RXFP1: variants seen among roughly 807,000 people sequenced by gnomAD.
RXFP1 encodes relaxin family peptide receptor 1.
Under a neutral mutation model 89.8 loss-of-function variants are expected in RXFP1, and 73 were observed. The observed-to-expected ratio is 0.81, with a 90% CI of 0.67 to 0.99. RXFP1 has a LOEUF of 0.99. Among genes scored for constraint, RXFP1 ranks in the 50% least tolerant of loss-of-function variants. The pLI is 0.00. For synonymous variants in RXFP1, 277 were observed against 305.5 expected, an observed-to-expected ratio of 0.91 and a Z score of 0.97; for missense variants, 793 against 895.5, an observed-to-expected ratio of 0.89 and a Z score of 1.46.
intron 1 of RXFP1, among the ~76,000 whole-genome samples, chr4:158,568,586 A>G (rs1754335038): frequency 6.6e-6 from 1 of 152,226 alleles, no homozygotes; most frequent in Non-Finnish European, 1.5e-5. Context: ...GAAATACGTG[A>G]TGTTCTGCCA....
intron 10 of RXFP1, among the ~76,000 whole-genome samples, chr4:158,628,190 G>A (rs1449819552): frequency 6.6e-6 from 1 of 152,144 alleles, no homozygotes; most frequent in African/African-American, 2.4e-5. Context: ...TTCTTCTAAA[G>A]GGGTTCAGCT....
chr4:158,540,222 G>T (rs764440027), intron 1 of RXFP1, among the ~76,000 whole-genome samples: 1 of 152,138 alleles, frequency 6.6e-6, no homozygotes, highest in Non-Finnish European at 1.5e-5. Context: ...CAGAGCAGCG[G>T]CATGGGCTGC....
chr4:158,597,148 G>A (rs556311248), intron 3 of RXFP1, among the ~76,000 whole-genome samples: 2 of 152,142 alleles, frequency 1.3e-5, no homozygotes, highest in African/African-American at 2.4e-5. Context: ...TAAAATTTAA[G>A]TTAAGGTTCC....
At chr4:158,615,521 A>C (rs1314534464) in intron 8 of RXFP1, among the ~76,000 whole-genome samples, 1 of 150,886 alleles carries the variant, frequency 6.6e-6, no homozygotes, top group Non-Finnish European at 1.5e-5. Context: ...GGGCAACAAG[A>C]GTGAAACTTT....
At chr4:158,651,498 G>A (rs772416680) in intron 17 of RXFP1, among the ~76,000 whole-genome samples, 1 of 152,060 alleles carries the variant, frequency 6.6e-6, no homozygotes, top group African/African-American at 2.4e-5. Context: ...CTACCTAAAG[G>A]AATATTTTTG....
At chr4:158,540,058 G>A (rs1292378415) in intron 1 of RXFP1, among the ~76,000 whole-genome samples, 1 of 152,112 alleles carries the variant, frequency 6.6e-6, no homozygotes, top group Non-Finnish European at 1.5e-5. Flanking sequence ...AAACAACCTG[G>A]CAGGGGGTAG....
intron 11 of RXFP1, among the ~76,000 whole-genome samples, chr4:158,633,006 C>G (rs1768404289): frequency 6.6e-6 from 1 of 152,076 alleles, no homozygotes; most frequent in Non-Finnish European, 1.5e-5. Flanking sequence ...CCCGTCTCTA[C>G]TAAAAATACA....
At chr4:158,584,183 C>T (rs1030729133) in intron 2 of RXFP1, among the ~76,000 whole-genome samples, 4 of 152,216 alleles carry the variant, frequency 2.6e-5, no homozygotes, top group Admixed American at 2.0e-4. Context: ...GCCTGTAATC[C>T]GAGCACTTTG....
intron 17 of RXFP1, among the ~76,000 whole-genome samples, chr4:158,649,931 T>A (rs1037292472): frequency 3.3e-5 from 5 of 152,364 alleles, no homozygotes; most frequent in African/African-American, 1.2e-4. Context: ...AAGAGATATT[T>A]GTACACCCAT....
In RXFP1 at chr4:158,589,003, A is replaced by G. The variant is rs74855871; in HGVS notation, c.188-4398A>G. ...AGAAATACACGAGACTGAGTGATTTATAAGGAAAAGAGGTTTAATTGACTC... is the reference window on the plus strand; with the variant it reads ...AGAAATACACGAGACTGAGTGATTTGTAAGGAAAAGAGGTTTAATTGACTC... On this transcript the variant is annotated intron_variant, in intron 2 of 17. Coordinates refer to ENST00000307765, the MANE Select transcript of RXFP1 (RefSeq NM_021634.4). Among the ~76,000 whole-genome samples the G allele has an allele frequency of 3.4e-3, 523 of 152,342 alleles. 1 individual carries two copies. The highest frequency in any genetic ancestry group is 0.012 in the African/African-American group (496 of 41,578).
At chr4:158,593,990 G>T (rs140060428) in intron 3 of RXFP1, among the ~76,000 whole-genome samples, 1 of 152,324 alleles carries the variant, frequency 6.6e-6, no homozygotes, top group Non-Finnish European at 1.5e-5. Flanking sequence ...GAGGGGTATG[G>T]AAGGTATAAA....
At chr4:158,578,241 A>G (rs1027620862) in intron 2 of RXFP1, among the ~76,000 whole-genome samples, 1 of 152,160 alleles carries the variant, frequency 6.6e-6, no homozygotes. Flanking sequence ...TTTTTTTGCC[A>G]TGTGTCACTA....
intron 1 of RXFP1, among the ~76,000 whole-genome samples, chr4:158,560,727 G>T (rs144264642): frequency 6.6e-6 from 1 of 152,106 alleles, no homozygotes. Flanking sequence ...AGTTTCACAC[G>T]ATCATCCCAT....
chr4:158,618,278 A>G (rs996966627), intron 9 of RXFP1, among the ~76,000 whole-genome samples: 6 of 152,110 alleles, frequency 3.9e-5, no homozygotes, highest in Admixed American at 3.3e-4. Context: ...CAATATTTAC[A>G]TAATTAGCAA....
At chr4:158,610,830 T>C (rs1763444463) in intron 6 of RXFP1, 1 of 615,632 alleles carries the variant, frequency 1.6e-6, no homozygotes, top group African/African-American at 1.9e-5. Context: ...AGGAAGAGGC[T>C]CTATCATGGG....
intron 1 of RXFP1, among the ~76,000 whole-genome samples, chr4:158,565,598 A>G (rs951310433): frequency 6.6e-6 from 1 of 152,224 alleles, no homozygotes; most frequent in Non-Finnish European, 1.5e-5. Context: ...TCAAAAAATG[A>G]TGCATAAATA....
intron 2 of RXFP1, among the ~76,000 whole-genome samples, chr4:158,582,603 G>A (rs939435899): frequency 6.6e-6 from 1 of 152,188 alleles, no homozygotes; most frequent in Non-Finnish European, 1.5e-5. Flanking sequence ...GCTGAGCCCA[G>A]GAGAATTTTC....
At chr4:158,602,063 CTG>C (rs1159420129) in intron 4 of RXFP1, among the ~76,000 whole-genome samples, 1 of 152,122 alleles carries the variant, frequency 6.6e-6, no homozygotes, top group Admixed American at 6.5e-5. Flanking sequence ...CTCTTTGACT[CTG>C]TGAACAATCA....
At chr4:158,626,048 G>A (rs1371205806) in intron 9 of RXFP1, among the ~76,000 whole-genome samples, 3 of 151,854 alleles carry the variant, frequency 2.0e-5, no homozygotes, top group South Asian at 2.1e-4. Flanking sequence ...CCATAAGGAG[G>A]TTTATGGTGA....
Sources: gnomAD v4.1 joint callset for allele counts (sites outside exome capture counted in the v4.1 genomes callset) on GRCh38, gnomAD v4.1.1 for gene constraint, MANE v1.5 for transcripts, NCBI Gene and HGNC (gene_info 2026-07-23, HGNC 2026-07-21) for gene names.